The following SPAST variants were observed in gnomAD, a reference collection of about 807,000 sequenced individuals.
The protein encoded by SPAST is spastin, also known as spastic paraplegia 4 (autosomal dominant; spastin).
SPAST carries 30 observed loss-of-function variants against 76.6 expected under a neutral mutation model. The observed-to-expected ratio is 0.39, with a 90% CI of 0.29 to 0.53. The LOEUF (loss-of-function observed/expected upper bound fraction) is 0.53. Among genes scored for constraint, SPAST ranks in the 20% least tolerant of loss-of-function variants. SPAST has a pLI of 0.68. For synonymous variants in SPAST, 305 were observed against 281.0 expected, an observed-to-expected ratio of 1.09 and a Z score of -0.86; for missense variants, 717 against 770.5, an observed-to-expected ratio of 0.93 and a Z score of 0.82.
chr2:32,115,073 C>G (rs1678777874), intron 5 of SPAST, among the ~76,000 whole-genome samples: 1 of 151,640 alleles, frequency 6.6e-6, no homozygotes, highest in South Asian at 2.1e-4. Context: ...CTCAGCCTCC[C>G]AAGTAGCTGG....
intron 1 of SPAST, among the ~76,000 whole-genome samples, chr2:32,067,291 A>G (rs1676560063): frequency 6.6e-6 from 1 of 152,082 alleles, no homozygotes; most frequent in Admixed American, 6.6e-5. Flanking sequence ...CGAGCTCCTG[A>G]CCTCAAGTGA....
intron 1 of SPAST, among the ~76,000 whole-genome samples, chr2:32,084,186 T>G (rs532373730): frequency 6.6e-6 from 1 of 152,118 alleles, no homozygotes; most frequent in Non-Finnish European, 1.5e-5. Flanking sequence ...TTGTTTGTTT[T>G]TTTGAGACAG....
chr2:32,073,166 CAATT>C (rs1284090546), intron 1 of SPAST, among the ~76,000 whole-genome samples: 1 of 152,112 alleles, frequency 6.6e-6, no homozygotes. Context: ...GTCCTGATGA[CAATT>C]AAGGATAGTT....
rs765786158 is a variant in SPAST, at chr2:32,098,871, G to A, written c.662G>A (p.Arg221His). ...VYNDSTNLACRNGHLQSESGA... is the reference protein window; with the variant it reads ...VYNDSTNLACHNGHLQSESGA... ...AATGACAGTACTAACTTGGCATGCCGCAATGGACATCTCCAGTCAGGTGGG... is the reference window on the plus strand; with the variant it reads ...AATGACAGTACTAACTTGGCATGCCACAATGGACATCTCCAGTCAGGTGGG... Residue 221 changes from arginine (R) to histidine (H), a missense_variant, in exon 4 of 17, where the codon CGC (arginine) becomes CAC (histidine). By Grantham distance (29) the Arg-to-His change is conservative. This residue lies in a region of SPAST where 543 missense variants were observed against 445.2 expected (regional missense o/e 1.22). Coordinates refer to ENST00000315285, the MANE Select transcript of SPAST (RefSeq NM_014946.4). 6.2e-6 allele frequency: 10 copies of A among 1,612,566 alleles called. No individual in the cohort carries two copies. The highest frequency in any genetic ancestry group is 2.2e-5 in the East Asian group (1 of 44,826).
rs192193410 is a variant in SPAST at position 32,117,230 on chromosome 2, C to T, written c.1098+1018C>T. Among the ~76,000 whole-genome samples the T allele has an allele frequency of 9.8e-3, 1,484 of 151,250 alleles. 27 individuals are homozygous for T. The highest frequency in any genetic ancestry group is 0.05 in the South Asian group (237 of 4,774). ...ATCACGCCACTGCACTCCAGCCTGG[C>T]GACAGAGCGAGACTCCGTCTCAAAA... On this transcript the variant is annotated intron_variant, in intron 7 of 16. Coordinates refer to ENST00000315285, the MANE Select transcript of SPAST (RefSeq NM_014946.4).
intron 7 of SPAST, among the ~76,000 whole-genome samples, chr2:32,117,480 TAA>T (rs1276526121): frequency 6.7e-6 from 1 of 150,334 alleles, no homozygotes; most frequent in African/African-American, 2.4e-5. Context: ...TAATTATTTT[TAA>T]AAAGAGAGAA....
At chr2:32,103,651 A>C (rs1217646871) in intron 4 of SPAST, among the ~76,000 whole-genome samples, 1 of 152,032 alleles carries the variant, frequency 6.6e-6, no homozygotes, top group Non-Finnish European at 1.5e-5. Flanking sequence ...TGTCCCAAAG[A>C]TTCTGATATG....
At chr2:32,094,349 G>T (rs1218624427) in intron 3 of SPAST, among the ~76,000 whole-genome samples, 2 of 152,048 alleles carry the variant, frequency 1.3e-5, no homozygotes, top group African/African-American at 4.8e-5. Flanking sequence ...CTCCTGAGTA[G>T]CTGGGATTAC....
rs976163297 is a variant in SPAST at position 32,085,966 on chromosome 2, A to G, written c.416-1526A>G. Among the ~76,000 whole-genome samples, 3 of 151,744 alleles carry G rather than the reference A, an allele frequency of 2.0e-5. No homozygotes were observed. The South Asian group carries it at 6.2e-4, about 32-fold the overall frequency. On this transcript the variant is annotated intron_variant, in intron 1 of 16. Coordinates refer to ENST00000315285, the MANE Select transcript of SPAST (RefSeq NM_014946.4). ...CTGAGGCAGGAGAATCGCTTGAACC[A>G]GGGAGTCGGAGGTTGCAGTGAACCA...
intron 4 of SPAST, among the ~76,000 whole-genome samples, chr2:32,111,342 A>G (rs1030070968): frequency 6.3e-5 from 8 of 127,396 alleles, no homozygotes; most frequent in African/African-American, 2.2e-4. Flanking sequence ...GTATATATAC[A>G]GTATACTGTA....
Position 32,126,928 on chromosome 2 carries a change from C to G in SPAST, c.1099-20C>G, listed in dbSNP as rs781755663. The G allele has an allele frequency of 1.2e-5, 19 of 1,550,702 alleles. No individual in the cohort carries two copies. The highest frequency in any genetic ancestry group is 1.6e-5 in the Non-Finnish European group (18 of 1,122,662). On this transcript the variant is annotated intron_variant, in intron 7 of 16. Coordinates refer to ENST00000315285, the MANE Select transcript of SPAST (RefSeq NM_014946.4). ...ATGTCTCTAGAATCATAGTTGTAAA[C>G]TAAAGTATATATTTTTTAGTTGTTC... is the stretch of plus-strand genomic sequence containing the variant.
chr2:32,070,988 C>T (rs1676726388), intron 1 of SPAST, among the ~76,000 whole-genome samples: 1 of 152,142 alleles, frequency 6.6e-6, no homozygotes, highest in Non-Finnish European at 1.5e-5. Flanking sequence ...AAATATTGTA[C>T]TTTTTACTTT....
Position 32,064,252 on chromosome 2 carries a change from TAGGGGGCTGGGGG to T in SPAST, c.415+14_415+26del. ...CATCGATGAGGATGAGAAAGGTAAC[TAGGGGGCTGGGGG>T]AGGGGGCGGCGGCGCCGGGAAGAAG... is the stretch of plus-strand genomic sequence containing the variant. On this transcript the variant is annotated splice_region_variant and intron_variant, in intron 1 of 16. Coordinates refer to ENST00000315285, the MANE Select transcript of SPAST (RefSeq NM_014946.4). 1 of 1,251,112 alleles carries T rather than the reference TAGGGGGCTGGGGG, an allele frequency of 8.0e-7. No homozygotes were observed. Among genetic ancestry groups the T allele is most frequent in the Non-Finnish European group, 1.0e-6 (1 of 968,854 alleles). 77.5% of individuals were successfully genotyped at this position (1,251,112 alleles called of 1,614,324 possible).
rs562973005 is a variant in SPAST at position 32,092,779 on chromosome 2, G to A, written c.586+3174G>A. ...TCCCAGCACTTTGGGAGGCCAAGGT[G>A]GGCGGATCACCTGAGGTCAGGAGTT... On this transcript the variant is annotated intron_variant, in intron 3 of 16. Transcript: ENST00000315285. Among the ~76,000 whole-genome samples the A allele has an allele frequency of 2.0e-5, 3 of 152,276 alleles. No individual in the cohort carries two copies. In the East Asian group the frequency reaches 5.8e-4, roughly 29 times the overall value.
chr2:32,143,280 A>G, intron 13 of SPAST, 56 bp from the exon 14 acceptor site: 2 of 1,092,762 alleles, frequency 1.8e-6, no homozygotes, highest in South Asian at 1.3e-5. Flanking sequence ...ATAAAAAAAG[A>G]AAAGAATCAT....
intron 9 of SPAST, chr2:32,129,841 A>C (rs1028898001): frequency 6.6e-6 from 1 of 152,286 alleles, no homozygotes; most frequent in Non-Finnish European, 1.5e-5. Context: ...TCTTCCAAAA[A>C]TAAAAAATAG....
At chr2:32,109,916 TTACA>T (rs897627585) in intron 4 of SPAST, among the ~76,000 whole-genome samples, 1 of 148,626 alleles carries the variant, frequency 6.7e-6, no homozygotes, top group Non-Finnish European at 1.5e-5. Flanking sequence ...ACATATATAG[TTACA>T]TATGTATATG....
intron 16 of SPAST, 61 bp downstream of exon 16, chr2:32,147,319 T>G: frequency 1.2e-6 from 1 of 837,726 alleles, no homozygotes; most frequent in Non-Finnish European, 2.0e-6. Flanking sequence ...ATATAAGACA[T>G]ACATATATGA....
rs568001859 is a variant in SPAST, at chr2:32,063,610, G to C, written c.-222G>C. The C allele has an allele frequency of 1.6e-5, 9 of 576,974 alleles. No homozygotes were observed. Among genetic ancestry groups the C allele is most frequent in the Non-Finnish European group, 2.7e-5 (9 of 335,448 alleles). The allele number at this position is 576,974 out of a possible 1,614,324, so 35.7% of individuals were successfully genotyped here. A position where few individuals can be genotyped will look rare whatever the true frequency, so the allele number is the denominator to read the frequency against. ...GGAGAGGACAGCGACAGGAAGGGAG[G>C]GGCCCGAGCCACCGACTGCAGGAGG... On this transcript the variant is annotated 5_prime_UTR_variant, in exon 1 of 17. Transcript: ENST00000315285.
Sources: allele counts gnomAD v4.1 joint callset (sites outside exome capture counted in the v4.1 genomes callset), GRCh38; gene constraint gnomAD v4.1.1; regional missense constraint gnomAD v4.1.1; transcripts MANE v1.5; gene names NCBI Gene and HGNC (gene_info 2026-07-23, HGNC 2026-07-21).